The following POGZ variants were observed in gnomAD, a reference collection of about 807,000 sequenced individuals.
POGZ encodes the protein pogo transposable element derived with ZNF domain, also known as pogo transposable element with ZNF domain.
In POGZ, 17 loss-of-function variants were observed where a neutral mutation model predicts 134.6. The observed-to-expected ratio is 0.13, with a 90% confidence interval of 0.09 to 0.19. The LOEUF is 0.19. Ranked by LOEUF, POGZ falls within the 10% of genes least tolerant of loss-of-function variation. POGZ has a pLI of 1.00. For synonymous variants in POGZ, 693 were observed against 657.1 expected (o/e 1.05, Z -0.84); for missense variants, 1,306 against 1,769.7 (o/e 0.74, Z 4.70).
chr1:151,420,822 A>G (rs1380493583), intron 10 of POGZ, among the ~76,000 whole-genome samples: 1 of 152,086 alleles, frequency 6.6e-6, no homozygotes, highest in Non-Finnish European at 1.5e-5. Flanking sequence ...TTCATGTTGA[A>G]ATATTTTTAA....
intron 3 of POGZ, among the ~76,000 whole-genome samples, chr1:151,438,672 G>A (rs1438420254): frequency 6.6e-6 from 1 of 152,114 alleles, no homozygotes; most frequent in Admixed American, 6.6e-5. Flanking sequence ...GAGCTTGGGA[G>A]TTTGAGACCA....
At position 151,404,878 on chromosome 1, in the gene POGZ, T is replaced by C. The variant is rs1653280816; in HGVS notation, c.4157A>G (p.Gln1386Arg). The C allele has an allele frequency of 2.5e-6, 4 of 1,614,094 alleles. No individual in the cohort carries two copies. The highest frequency in any genetic ancestry group is 2.5e-6 in the Non-Finnish European group (3 of 1,180,006). The change falls in exon 19 of 19, where the codon CAG becomes CGG. Residue 1386 changes from glutamine (Q) to arginine (R), a missense_variant. Gln to Arg is a conservative substitution (Grantham distance 43). This residue lies in a region of POGZ where 107 missense variants were observed against 97.9 expected (regional missense o/e 1.09). Coordinates refer to ENST00000271715, the MANE Select transcript of POGZ (RefSeq NM_015100.4). ...GGTCTCACTTTCACCCTCAAAGAGC[T>C]GGTGAAGACTTTCAGGCTCAATTGT... Reference protein sequence around the residue: ...EETIEPESLHQLFEGESETES... With the variant: ...EETIEPESLHRLFEGESETES...
intron 4 of POGZ, among the ~76,000 whole-genome samples, chr1:151,430,238 A>G (rs1658475423): frequency 6.6e-6 from 1 of 152,190 alleles, no homozygotes; most frequent in Non-Finnish European, 1.5e-5. Flanking sequence ...AATTCAACAC[A>G]TTATATATCA....
rs2102148685 is a variant in POGZ, at chr1:151,406,180, G to A, written c.2855C>T (p.Thr952Ile). Residue 952 changes from threonine to isoleucine, a missense_variant, in exon 19 of 19, where the codon ACC (threonine) becomes ATC (isoleucine). Physicochemically the swap from Thr to Ile is moderately conservative, Grantham distance 89. Around this residue, in one of 10 missense-constraint regions of POGZ, gnomAD observed 214 missense variants for 255.5 expected, o/e 0.84. Coordinates refer to ENST00000271715, the MANE Select transcript of POGZ (RefSeq NM_015100.4). ...VDDQDEGSPV[T>I]QEPELASGGG... is the part of the protein sequence containing the mutation. ...ACCTGATGCTAGCTCAGGTTCTTGGGTGACTGGGCTCCCTTCATCCTGATC... is the reference window on the plus strand; with the variant it reads ...ACCTGATGCTAGCTCAGGTTCTTGGATGACTGGGCTCCCTTCATCCTGATC... 1 of 1,614,150 alleles carries A rather than the reference G, an allele frequency of 6.2e-7. No homozygotes were observed. Among genetic ancestry groups the A allele is most frequent in the Non-Finnish European group, 8.5e-7 (1 of 1,180,032 alleles).
chr1:151,404,870 C>G lies in POGZ; in HGVS notation c.4165G>C (p.Glu1389Gln). 3 of 1,614,138 alleles carry G rather than the reference C, an allele frequency of 1.9e-6. No homozygotes were observed. The highest frequency in any genetic ancestry group is 2.5e-6 in the Non-Finnish European group (3 of 1,180,020). ...AAAGACTCGGTCTCACTTTCACCCT[C>G]AAAGAGCTGGTGAAGACTTTCAGGC... ...IEPESLHQLF[E>Q]GESETESFYG... is the part of the protein sequence containing the mutation. The change falls in exon 19 of 19, where the codon GAG becomes CAG. Residue 1389 changes from glutamate to glutamine, a missense_variant. This residue lies in a region of POGZ where 107 missense variants were observed against 97.9 expected (regional missense o/e 1.09). Coordinates refer to ENST00000271715, the MANE Select transcript of POGZ (RefSeq NM_015100.4).
intron 3 of POGZ, among the ~76,000 whole-genome samples, chr1:151,435,456 A>G (rs1415767801): frequency 6.6e-6 from 1 of 152,022 alleles, no homozygotes; most frequent in Non-Finnish European, 1.5e-5. Context: ...AACATCAAAC[A>G]GAATAGTAAA....
chr1:151,416,933 T>C (rs1655832467), intron 10 of POGZ, among the ~76,000 whole-genome samples: 1 of 152,062 alleles, frequency 6.6e-6, no homozygotes, highest in African/African-American at 2.4e-5. Flanking sequence ...TGCCTTGGCC[T>C]GTAATGTTAT....
rs1464175980 is a variant in POGZ at position 151,402,985 on chromosome 1, A to G, written c.*1817T>C. On this transcript the variant is annotated 3_prime_UTR_variant, in exon 19 of 19. Coordinates refer to ENST00000271715, the MANE Select transcript of POGZ (RefSeq NM_015100.4). ...ACCAAAGAGTAGGATTAGGTTGTAG[A>G]TAGACGTGACCAACCATAGTTCTTG... The G allele has an allele frequency of 6.5e-6, 1 of 153,426 alleles. No individual in the cohort carries two copies. The highest frequency in any genetic ancestry group is 1.5e-5 in the Non-Finnish European group (1 of 68,764). 9.5% of individuals were successfully genotyped at this position (153,426 alleles called of 1,614,324 possible). A position where few individuals can be genotyped will look rare whatever the true frequency, so the allele number is the denominator to read the frequency against.
Position 151,430,685 on chromosome 1 carries a change from G to C in POGZ, c.440C>G (p.Pro147Arg). 1 of 1,608,522 alleles carries C rather than the reference G, an allele frequency of 6.2e-7. No individual in the cohort carries two copies. Among genetic ancestry groups the C allele is most frequent in the Non-Finnish European group, 8.5e-7 (1 of 1,177,424 alleles). ...HVTSSPVASQ[P>R]IFITTQGFPV... ...ACTCACCTGCGTAGTGATAAATATT[G>C]GTTGTGAGGCCACAGGGGAACTAGT... The change falls in exon 4 of 19, where the codon CCA (proline) becomes CGA (arginine). Residue 147 changes from proline (P) to arginine (R), a missense_variant. This residue lies in a region of POGZ where 541 missense variants were observed against 680.5 expected (regional missense o/e 0.80). Coordinates refer to ENST00000271715, the MANE Select transcript of POGZ (RefSeq NM_015100.4).
At chr1:151,438,948 G>A (rs1215594359) in intron 3 of POGZ, 1 of 152,044 alleles carries the variant, frequency 6.6e-6, no homozygotes, top group Non-Finnish European at 1.5e-5. Flanking sequence ...TCAAAGAAAA[G>A]GTTAGGTAAG....
chr1:151,452,410 G>A (rs1220720798), intron 1 of POGZ, among the ~76,000 whole-genome samples: 1 of 151,858 alleles, frequency 6.6e-6, no homozygotes, highest in Non-Finnish European at 1.5e-5. Flanking sequence ...GAGTGCAGTG[G>A]CACAATCACG....
chr1:151,404,494 A>G lies in POGZ; in HGVS notation c.*308T>C. 1 of 1,052,678 alleles carries G rather than the reference A, an allele frequency of 9.5e-7. No individual in the cohort carries two copies. 65.2% of individuals were successfully genotyped at this position (1,052,678 alleles called of 1,614,324 possible). On this transcript the variant is annotated 3_prime_UTR_variant, in exon 19 of 19. Transcript: ENST00000271715. Reference sequence around the variant, plus strand: ...CAAATAATTTTTTTTCTTTTTCTTAATTTTGTCAGAAAAATACCAAACACA... The same window carrying G: ...CAAATAATTTTTTTTCTTTTTCTTAGTTTTGTCAGAAAAATACCAAACACA...
rs575632074 is a variant in POGZ at position 151,412,843 on chromosome 1, T to C, written c.1679-447A>G. Among the ~76,000 whole-genome samples the C allele has an allele frequency of 3.3e-5, 5 of 152,300 alleles. No individual in the cohort carries two copies. The East Asian group carries it at 9.6e-4, about 29-fold the overall frequency. ...TTATAATAAGGCAAAAACTTGGTAC[T>C]AGCCCATATGATTTCCCACTGCTAA... On this transcript the variant is annotated intron_variant, in intron 10 of 18. Coordinates refer to ENST00000271715, the MANE Select transcript of POGZ (RefSeq NM_015100.4).
chr1:151,405,992 C>A lies in POGZ; in HGVS notation c.3043G>T (p.Gly1015Trp). 1 of 1,614,222 alleles carries A rather than the reference C, an allele frequency of 6.2e-7. No individual in the cohort carries two copies. Among genetic ancestry groups the A allele is most frequent in the South Asian group, 1.1e-5 (1 of 91,086 alleles). ...AGATATTTGCCCTCTAGATTCTCCC[C>A]CTGGGAGGCCTGGAAACGTCGAAGC... ...RWLRRFQASQ[G>W]ENLEGKYLSF... is the part of the protein sequence containing the mutation. Residue 1015 changes from glycine (G) to tryptophan (W), a missense_variant, in exon 19 of 19, where the codon GGG (glycine) becomes TGG (tryptophan). Around this residue, in one of 10 missense-constraint regions of POGZ, gnomAD observed 214 missense variants for 255.5 expected, o/e 0.84. Transcript: ENST00000271715. This position sits in a 1 kb window ranked among gnomAD's most constrained non-coding sequence, Gnocchi z 4.9.
At chr1:151,417,717 CACACACACACACAA>C (rs1180494446) in intron 10 of POGZ, among the ~76,000 whole-genome samples, 2,951 of 150,972 alleles carry the variant, frequency 0.02, 90 homozygotes, top group African/African-American at 0.069. Context: ...CACACACACA[CACACACACACACAA>C]AAGGCCTTAT....
intron 1 of POGZ, among the ~76,000 whole-genome samples, chr1:151,456,710 T>C (rs1193075999): frequency 6.6e-6 from 1 of 152,176 alleles, no homozygotes; most frequent in African/African-American, 2.4e-5. Flanking sequence ...CCCAGCACTT[T>C]GGGACGCCGA....
At chr1:151,416,210 C>CAAAAA (rs1212371839) in intron 10 of POGZ, among the ~76,000 whole-genome samples, 56 of 42,700 alleles carry the variant, frequency 1.3e-3, no homozygotes, top group East Asian at 2.1e-3. Flanking sequence ...AACTCCATCT[C>CAAAAA]AAAAAAAAAA....
At chr1:151,418,460 A>G (rs1656187303) in intron 10 of POGZ, among the ~76,000 whole-genome samples, 1 of 152,182 alleles carries the variant, frequency 6.6e-6, no homozygotes, top group South Asian at 2.1e-4. Context: ...AGAGAGTTGA[A>G]GAGAAGCTGA....
At chr1:151,430,868 A>C in intron 3 of POGZ, 27 bp from the exon 4 acceptor site, 5 of 1,496,778 alleles carry the variant, frequency 3.3e-6, no homozygotes, top group Non-Finnish European at 4.4e-6. Context: ...GAAAAAAAAA[A>C]AGGAATGTTA....
Sources: allele counts gnomAD v4.1 joint callset (sites outside exome capture counted in the v4.1 genomes callset), GRCh38; gene constraint gnomAD v4.1.1; regional missense constraint gnomAD v4.1.1; non-coding constraint Gnocchi (gnomAD v3.1); transcripts MANE v1.5; gene names NCBI Gene and HGNC (gene_info 2026-07-23, HGNC 2026-07-21).